The following COL1A2 variants were observed in gnomAD, a reference collection of about 807,000 sequenced individuals.
The protein encoded by COL1A2 is collagen alpha-2(I) chain.
COL1A2 carries 49 observed loss-of-function variants against 174.3 expected under a neutral mutation model. The observed-to-expected ratio is 0.28, with a 90% CI of 0.22 to 0.36. The LOEUF is 0.36. Among genes scored for constraint, COL1A2 ranks in the 10% least tolerant of loss-of-function variants. The probability of loss-of-function intolerance (pLI) is 1.00; values close to 1 mark genes in which losing one functional copy is unlikely to be tolerated. For synonymous variants in COL1A2, 655 were observed against 606.6 expected, an observed-to-expected ratio of 1.08 and a Z score of -1.17; for missense variants, 1,438 against 1,822.7, an observed-to-expected ratio of 0.79 and a Z score of 3.84.
intron 1 of COL1A2, 68 bp from the exon 2 acceptor site, chr7:94,397,680 A>G (rs1791609880): frequency 1.2e-6 from 1 of 862,496 alleles, no homozygotes; most frequent in Non-Finnish European, 1.9e-6. Flanking sequence ...CTATTTGTTA[A>G]TTATTGCTAT....
intron 25 of COL1A2, 63 bp from the exon 26 acceptor site, chr7:94,413,020 G>A (rs1006292328): frequency 2.7e-5 from 41 of 1,496,174 alleles, no homozygotes; most frequent in Middle Eastern, 1.7e-4. Context: ...CAAAATCACC[G>A]TGGTTAATTT....
At chr7:94,417,931 G>A in intron 32 of COL1A2, 100 bp downstream of exon 32, 1 of 934,620 alleles carries the variant, frequency 1.1e-6, no homozygotes, top group Non-Finnish European at 1.7e-6. Flanking sequence ...TGGTCTGGTA[G>A]CATTTTCATA....
chr7:94,400,370 A>G, intron 5 of COL1A2, 82 bp downstream of exon 5: 2 of 1,197,608 alleles, frequency 1.7e-6, no homozygotes, highest in Non-Finnish European at 2.5e-6. Context: ...TTAGCAGTTA[A>G]GGGATAATTC....
At position 94,399,044 on chromosome 7, in the gene COL1A2, T is replaced by G. The variant is rs775773295; in HGVS notation, c.97-5T>G. 11 of 1,613,684 alleles carry G rather than the reference T, an allele frequency of 6.8e-6. No individual in the cohort carries two copies. In the South Asian group the frequency reaches 9.9e-5, roughly 14 times the overall value. ...ATTATTGTCCTGTTTGTATCTTTCCTGTAGGGCCCAGCCGGAGATAGAGGA... is the reference window on the plus strand; with the variant it reads ...ATTATTGTCCTGTTTGTATCTTTCCGGTAGGGCCCAGCCGGAGATAGAGGA... On this transcript the variant is annotated splice_polypyrimidine_tract_variant and splice_region_variant and intron_variant, in intron 3 of 51. Transcript: ENST00000297268.
At chr7:94,414,169 A>T (rs1791989414) in intron 28 of COL1A2, 53 bp from the exon 29 acceptor site, 1 of 1,593,134 alleles carries the variant, frequency 6.3e-7, no homozygotes, top group Non-Finnish European at 8.6e-7. Context: ...ATTATTAGCA[A>T]ATCTCCTGAA....
intron 24 of COL1A2, 122 bp from the exon 25 acceptor site, chr7:94,412,462 G>A (rs753543835): frequency 4.5e-5 from 35 of 774,190 alleles, no homozygotes; most frequent in South Asian, 1.5e-4. Flanking sequence ...ATTTATTAAC[G>A]CTTTATACAA....
intron 32 of COL1A2, 131 bp from the exon 33 acceptor site, chr7:94,418,368 G>A: frequency 1.4e-6 from 1 of 722,570 alleles, no homozygotes. Context: ...AAGGAATCGA[G>A]ACATTGCTAA....
rs1180994745 is a variant in COL1A2 at position 94,412,574 on chromosome 7, C to G, written c.1405-10C>G. 6.2e-7 allele frequency: 1 copy of G among 1,610,124 alleles called. No individual in the cohort carries two copies. The highest frequency in any genetic ancestry group is 1.7e-5 in the Admixed American group (1 of 59,862). On this transcript the variant is annotated splice_polypyrimidine_tract_variant and intron_variant, in intron 24 of 51. Transcript: ENST00000297268. ...GACACTGAGTAAACTTGAAATAACT[C>G]TGCTTTCAGGGCCTCCCTGGCATCG... is the stretch of plus-strand genomic sequence containing the variant.
intron 39 of COL1A2, chr7:94,422,689 A>C: frequency 2.2e-6 from 1 of 465,032 alleles, no homozygotes; most frequent in Non-Finnish European, 3.9e-6. Context: ...ATGCCAGGGT[A>C]CCAGTGGCAT....
rs118173232 is a variant in COL1A2 at position 94,404,300 on chromosome 7, T to C, written c.280-256T>C. Among the ~76,000 whole-genome samples the C allele has an allele frequency of 2.0e-3, 308 of 152,306 alleles. 7 individuals carry two copies. In the East Asian group the frequency reaches 0.052, roughly 26 times the overall value. The stretch of plus-strand genomic sequence containing the variant: ...ATCAGAACAATCTCAATATGCCCAA[T>C]TGTGCACAACTTTAAGGAACCTATC... On this transcript the variant is annotated intron_variant, in intron 6 of 51. Coordinates refer to ENST00000297268, the MANE Select transcript of COL1A2 (RefSeq NM_000089.4).
Position 94,430,525 on chromosome 7 carries a change from C to A in COL1A2, c.*132C>A. The A allele has an allele frequency of 2.1e-6, 2 of 945,308 alleles. No individual in the cohort carries two copies. The highest frequency in any genetic ancestry group is 2.3e-5 in the Admixed American group (1 of 43,592). The allele number at this position is 945,308 out of a possible 1,614,324, so 58.6% of individuals were successfully genotyped here. On this transcript the variant is annotated 3_prime_UTR_variant, in exon 52 of 52. Coordinates refer to ENST00000297268, the MANE Select transcript of COL1A2 (RefSeq NM_000089.4). ...CACATCTACTTGCTTAAATTGTGGG[C>A]AAAAGAGAAAAAGAAGGATTGATCA... is the stretch of plus-strand genomic sequence containing the variant.
At chr7:94,405,586 T>G in intron 10 of COL1A2, 87 bp from the exon 11 acceptor site, 1 of 1,275,754 alleles carries the variant, frequency 7.8e-7, no homozygotes, top group Non-Finnish European at 1.1e-6. Flanking sequence ...TGAACTTTGA[T>G]GAGAATAAAT....
At chr7:94,430,012 T>C (rs1331902958) in intron 51 of COL1A2, 21 of 561,144 alleles carry the variant, frequency 3.7e-5, no homozygotes, top group Non-Finnish European at 6.0e-5. Context: ...TGTGTTGAAA[T>C]GTTGTTGGTT....
intron 10 of COL1A2, 110 bp downstream of exon 10, chr7:94,405,362 A>C: frequency 9.3e-7 from 1 of 1,080,292 alleles, no homozygotes; most frequent in Admixed American, 2.1e-5. Flanking sequence ...AACTCATAAC[A>C]TGAATCGAAG....
rs1399553220 is a variant in COL1A2, at chr7:94,394,922, T to C, written c.-110T>C. Reference sequence around the variant, plus strand: ...CACCACGGCAGCAGGAGGTTTCGGCTAAGTTGGAGGTACTGGCCACGACTG... The same window carrying C: ...CACCACGGCAGCAGGAGGTTTCGGCCAAGTTGGAGGTACTGGCCACGACTG... On this transcript the variant is annotated 5_prime_UTR_variant, in exon 1 of 52. Coordinates refer to ENST00000297268, the MANE Select transcript of COL1A2 (RefSeq NM_000089.4). 2 of 853,124 alleles carry C rather than the reference T, an allele frequency of 2.3e-6. No homozygotes were observed. The highest frequency in any genetic ancestry group is 4.1e-6 in the Non-Finnish European group (2 of 490,792). 52.8% of individuals were successfully genotyped at this position (853,124 alleles called of 1,614,324 possible).
At chr7:94,403,814 G>A (rs747269261) in intron 6 of COL1A2, among the ~76,000 whole-genome samples, 22 of 152,176 alleles carry the variant, frequency 1.4e-4, no homozygotes, top group Admixed American at 1.3e-4. Context: ...TTACTGCAAA[G>A]AGGAGTCAAG....
chr7:94,404,847 A>G lies in COL1A2; in HGVS notation c.387A>G (p.Ala129=). The change falls in exon 9 of 52, where the codon GCA becomes GCG. Residue 129 remains alanine (A), a synonymous_variant. Coordinates refer to ENST00000297268, the MANE Select transcript of COL1A2 (RefSeq NM_000089.4). ...EPGEPGQTGP[A]GARGPAGPPG... The stretch of plus-strand genomic sequence containing the variant: ...GTCTCCCATTTTCTTAGGGTCCTGC[A>G]GGTGCTCGTGGTCCAGCTGGCCCTC... The G allele has an allele frequency of 1.2e-6, 2 of 1,614,110 alleles. No homozygotes were observed. The highest frequency in any genetic ancestry group is 1.7e-6 in the Non-Finnish European group (2 of 1,180,002).
Position 94,411,805 on chromosome 7 carries a change from A to G in COL1A2, c.1351-263A>G, listed in dbSNP as rs368012021. Among the ~76,000 whole-genome samples, 5 of 152,338 alleles carry G rather than the reference A, an allele frequency of 3.3e-5. No homozygotes were observed. The East Asian group carries it at 9.6e-4, about 29-fold the overall frequency. On this transcript the variant is annotated intron_variant, in intron 23 of 51. Coordinates refer to ENST00000297268, the MANE Select transcript of COL1A2 (RefSeq NM_000089.4). Reference sequence around the variant, plus strand: ...AACGTGATACATTTTGCCCATATACATGTTGCTTAACAGTTTCTTGAGATA... The same window carrying G: ...AACGTGATACATTTTGCCCATATACGTGTTGCTTAACAGTTTCTTGAGATA...
In COL1A2 at chr7:94,426,405, C is replaced by T; in HGVS notation, c.2998-18C>T. The T allele has an allele frequency of 1.3e-6, 2 of 1,568,820 alleles. No homozygotes were observed. The highest frequency in any genetic ancestry group is 2.7e-5 in the African/African-American group (2 of 74,220). On this transcript the variant is annotated intron_variant, in intron 45 of 51. Transcript: ENST00000297268. ...TTTTAAAACGGTAAGTCTTATCCATCCTTCTGTTTCTTTATAGGGCCCACA... is the reference window on the plus strand; with the variant it reads ...TTTTAAAACGGTAAGTCTTATCCATTCTTCTGTTTCTTTATAGGGCCCACA...
Sources: allele counts gnomAD v4.1 joint callset (sites outside exome capture counted in the v4.1 genomes callset), GRCh38; gene constraint gnomAD v4.1.1; transcripts MANE v1.5; gene names NCBI Gene and HGNC (gene_info 2026-07-23, HGNC 2026-07-21).